PCDH9: variants seen among roughly 807,000 people sequenced by gnomAD.
PCDH9 encodes protocadherin 9.
A neutral mutation model predicts 70.6 loss-of-function variants in PCDH9; 24 were observed. The ratio of observed to expected loss-of-function variants is 0.34; its 90% confidence interval spans 0.25 to 0.48. The LOEUF (loss-of-function observed/expected upper bound fraction) is 0.48, where lower values mean the gene tolerates loss of function less well. PCDH9 is among the 20% of genes least tolerant of loss of function. The probability of loss-of-function intolerance (pLI) is 0.99; values close to 1 mark genes in which losing one functional copy is unlikely to be tolerated. For missense variants in PCDH9, 1,281 were observed against 1,503.6 expected, an observed-to-expected ratio of 0.85 and a Z score of 2.45; for synonymous variants, 562 against 558.5, an observed-to-expected ratio of 1.01 and a Z score of -0.09.
At position 66,792,537 on chromosome 13, in the gene PCDH9, C is replaced by T. The variant is rs541528120; in HGVS notation, c.3138+110967G>A. 2.8e-3 allele frequency among the ~76,000 whole-genome samples: 422 copies of T among 152,090 alleles called. 2 individuals carry two copies. The highest frequency in any genetic ancestry group is 9.7e-3 in the African/African-American group (402 of 41,492). On this transcript the variant is annotated intron_variant, in intron 3 of 4. Transcript: ENST00000377865. Reference sequence around the variant, plus strand: ...ATACAAAATTAGCTGGGCTTGGTGGCGCATGCCTGTAATCCCAACTACTCC... The same window carrying T: ...ATACAAAATTAGCTGGGCTTGGTGGTGCATGCCTGTAATCCCAACTACTCC...
chr13:66,508,854 G>A (rs1319832893), intron 4 of PCDH9, among the ~76,000 whole-genome samples: 1 of 152,154 alleles, frequency 6.6e-6, no homozygotes, highest in Non-Finnish European at 1.5e-5. Flanking sequence ...AATTCTTGGG[G>A]AGGTAGTAGA....
At chr13:67,189,228 A>G (rs372862383) in intron 2 of PCDH9, among the ~76,000 whole-genome samples, 6 of 137,622 alleles carry the variant, frequency 4.4e-5, no homozygotes, top group Non-Finnish European at 9.6e-5. Flanking sequence ...GTGTGTGTGT[A>G]TCTCTCTCAC....
At chr13:66,448,090 A>C (rs1447616203) in intron 4 of PCDH9, among the ~76,000 whole-genome samples, 1 of 152,172 alleles carries the variant, frequency 6.6e-6, no homozygotes, top group Non-Finnish European at 1.5e-5. Context: ...TTATCCAATA[A>C]AGAAAAAAAA....
At chr13:66,575,269 CT>C (rs1284313129) in intron 4 of PCDH9, among the ~76,000 whole-genome samples, 3 of 152,054 alleles carry the variant, frequency 2.0e-5, no homozygotes, top group Non-Finnish European at 4.4e-5. Flanking sequence ...CTTCTGTTTC[CT>C]GACACAGGCA....
chr13:67,052,532 T>A (rs559216498), intron 2 of PCDH9, among the ~76,000 whole-genome samples: 1 of 151,800 alleles, frequency 6.6e-6, no homozygotes, highest in East Asian at 2.0e-4. Context: ...ATTTGCATTA[T>A]AGAAGATCAA....
At chr13:66,542,811 ATATC>A (rs1233650298) in intron 4 of PCDH9, among the ~76,000 whole-genome samples, 3 of 147,988 alleles carry the variant, frequency 2.0e-5, no homozygotes, top group African/African-American at 4.9e-5. Context: ...ATAAATATAT[ATATC>A]TATCTCCCAT....
chr13:66,331,615 A>G (rs1004392446), intron 4 of PCDH9, among the ~76,000 whole-genome samples: 1 of 152,158 alleles, frequency 6.6e-6, no homozygotes. Flanking sequence ...GATCAACCCA[A>G]ATGAATTAGC....
chr13:67,091,158 T>A (rs2086210442), intron 2 of PCDH9, among the ~76,000 whole-genome samples: 2 of 152,150 alleles, frequency 1.3e-5, no homozygotes, highest in Admixed American at 6.6e-5. Flanking sequence ...ATTTATAACA[T>A]GTTTGAACTC....
At chr13:67,224,445 A>G (rs1213337117) in intron 2 of PCDH9, 1 of 152,078 alleles carries the variant, frequency 6.6e-6, no homozygotes, top group Non-Finnish European at 1.5e-5. Context: ...TCTACAGGCT[A>G]TTATCGATAT....
intron 2 of PCDH9, among the ~76,000 whole-genome samples, chr13:66,981,454 A>T (rs1178505744): frequency 4.7e-5 from 7 of 149,322 alleles, no homozygotes; most frequent in South Asian, 4.2e-4. Flanking sequence ...AAAAAAAAAG[A>T]AAAAAAAAGT....
At chr13:66,997,330 A>G (rs1315140332) in intron 2 of PCDH9, among the ~76,000 whole-genome samples, 2 of 152,100 alleles carry the variant, frequency 1.3e-5, no homozygotes, top group Non-Finnish European at 2.9e-5. Flanking sequence ...TCACATGGCA[A>G]GGGCAGGAGC....
At chr13:66,873,010 T>C (rs1422075480) in intron 3 of PCDH9, among the ~76,000 whole-genome samples, 1 of 152,168 alleles carries the variant, frequency 6.6e-6, no homozygotes, top group Non-Finnish European at 1.5e-5. Flanking sequence ...AGTCTAAAAC[T>C]TGAGTTCTAA....
intron 2 of PCDH9, among the ~76,000 whole-genome samples, chr13:67,004,552 C>CAAA (rs34776193): frequency 1.5e-4 from 18 of 123,846 alleles, no homozygotes; most frequent in South Asian, 2.6e-4. Flanking sequence ...GACTCCGTCT[C>CAAA]AAAAAAAAAA....
Position 66,713,655 on chromosome 13 carries a change from T to TATATATATATATATATA in PCDH9, c.3139-82245_3139-82244insTATATATATATATATAT, listed in dbSNP as rs1474635736. Among the ~76,000 whole-genome samples, 61 of 63,624 alleles carry TATATATATATATATATA rather than the reference T, an allele frequency of 9.6e-4. 2 individuals carry two copies. Among genetic ancestry groups the TATATATATATATATATA allele is most frequent in the African/African-American group, 3.4e-3 (56 of 16,364 alleles). 41.7% of individuals were successfully genotyped at this position (63,624 alleles called of 152,430 possible). On this transcript the variant is annotated intron_variant, in intron 3 of 4. Coordinates refer to ENST00000377865, the MANE Select transcript of PCDH9 (RefSeq NM_203487.3). The stretch of plus-strand genomic sequence containing the variant: ...TATATATATATATATATATATATAA[T>TATATATATATATATATA]GTACACACACATCCAGTTGACTCTT...
intron 3 of PCDH9, among the ~76,000 whole-genome samples, chr13:66,684,432 C>T (rs938028264): frequency 6.6e-6 from 1 of 152,100 alleles, no homozygotes; most frequent in African/African-American, 2.4e-5. Context: ...TCCCATAATC[C>T]CCATGTGTTG....
chr13:66,536,427 T>A (rs892108067), intron 4 of PCDH9, among the ~76,000 whole-genome samples: 1 of 152,142 alleles, frequency 6.6e-6, no homozygotes, highest in African/African-American at 2.4e-5. Context: ...TTTTTTGCAC[T>A]TTTAGAAAAT....
chr13:67,053,822 A>G (rs963169791), intron 2 of PCDH9, among the ~76,000 whole-genome samples: 10 of 152,232 alleles, frequency 6.6e-5, no homozygotes, highest in Admixed American at 2.6e-4. Context: ...TACTTGAATA[A>G]CACCTAGCAT....
intron 4 of PCDH9, among the ~76,000 whole-genome samples, chr13:66,566,629 T>C (rs1030374551): frequency 6.6e-6 from 1 of 152,192 alleles, no homozygotes; most frequent in Non-Finnish European, 1.5e-5. Flanking sequence ...TTGCTTTTAC[T>C]AACAGTAACT....
At chr13:66,775,833 CT>C (rs1414388425) in intron 3 of PCDH9, among the ~76,000 whole-genome samples, 1 of 152,114 alleles carries the variant, frequency 6.6e-6, no homozygotes, top group African/African-American at 2.4e-5. Context: ...GTTGACACCC[CT>C]AACTCCAATG....
Sources: allele counts gnomAD v4.1 joint callset (sites outside exome capture counted in the v4.1 genomes callset), GRCh38; gene constraint gnomAD v4.1.1; transcripts MANE v1.5; gene names NCBI Gene and HGNC (gene_info 2026-07-23, HGNC 2026-07-21).